The following EEIG1 variants were observed in gnomAD, a reference collection of about 807,000 sequenced individuals.
EEIG1 encodes estrogen-induced osteoclastogenesis regulator 1.
At chr9:127,945,464 T>G in the EEIG1 span, 1 of 1,564,024 alleles carries the variant, frequency 6.4e-7, no homozygotes, top group African/African-American at 1.4e-5. The surrounding 1 kb of genome is among the most constrained non-coding windows in gnomAD (Gnocchi z 6.5). Context: ...CCCTCCACGG[T>G]CATGCCAAGG....
the EEIG1 span, among the ~76,000 whole-genome samples, chr9:127,951,827 A>AAG: frequency 7.9e-5 from 12 of 151,054 alleles, no homozygotes; most frequent in Admixed American, 3.3e-4. Context: ...AAAAAAAAAA[A>AAG]AAAAGAAAAG....
chr9:127,945,047 A>G, the EEIG1 span: 1 of 989,648 alleles, frequency 1.0e-6, no homozygotes, highest in South Asian at 1.6e-5. This position sits in a 1 kb window ranked among gnomAD's most constrained non-coding sequence, Gnocchi z 6.5. Context: ...CCTCACATGC[A>G]CAATAGGGTG....
At chr9:127,943,612 G>A in the EEIG1 span, 1 of 251,724 alleles carries the variant, frequency 4.0e-6, no homozygotes, top group Non-Finnish European at 7.8e-6. Flanking sequence ...TCCTTTCCCT[G>A]CCGAGCCCAG....
the EEIG1 span, chr9:127,948,120 G>A: frequency 5.0e-6 from 8 of 1,613,562 alleles, no homozygotes; most frequent in Non-Finnish European, 5.1e-6. Flanking sequence ...ACCCAGTCAG[G>A]GAGTTGGTGC....
the EEIG1 span, chr9:127,953,686 C>T: frequency 6.2e-7 from 1 of 1,607,866 alleles, no homozygotes; most frequent in Non-Finnish European, 8.5e-7. Context: ...CCCCCCAGAT[C>T]TGAGGGGAGG....
chr9:127,976,857 G>A, the EEIG1 span, among the ~76,000 whole-genome samples: 1 of 152,224 alleles, frequency 6.6e-6, no homozygotes, highest in African/African-American at 2.4e-5. The surrounding 1 kb of genome is among the most constrained non-coding windows in gnomAD (Gnocchi z 4.1). Flanking sequence ...CCTGGGGGTG[G>A]GGGAAATATG....
the EEIG1 span, among the ~76,000 whole-genome samples, chr9:127,949,347 T>A: frequency 9.5e-4 from 140 of 147,130 alleles, no homozygotes; most frequent in African/African-American, 3.2e-3. Context: ...GGGTGACCAC[T>A]AGGTTGAGGC....
the EEIG1 span, chr9:127,953,841 C>T: frequency 6.2e-7 from 1 of 1,614,022 alleles, no homozygotes; most frequent in Non-Finnish European, 8.5e-7. Context: ...AGGGGTCCAG[C>T]AGGCCGGTGG....
chr9:127,944,758 C>G, the EEIG1 span: 1 of 1,611,646 alleles, frequency 6.2e-7, no homozygotes, highest in Non-Finnish European at 8.5e-7. Context: ...CTCGCCCCCA[C>G]CAGCCCAGCA....
At chr9:127,945,562 C>G in the EEIG1 span, 2 of 1,564,448 alleles carry the variant, frequency 1.3e-6, no homozygotes, top group Non-Finnish European at 1.7e-6. The surrounding 1 kb of genome is among the most constrained non-coding windows in gnomAD (Gnocchi z 6.5). Flanking sequence ...TGTGCTGTAG[C>G]CTGTCAGGGG....
the EEIG1 span, among the ~76,000 whole-genome samples, chr9:127,955,671 G>A: frequency 1.1e-4 from 16 of 152,372 alleles, no homozygotes; most frequent in Admixed American, 3.3e-4. Flanking sequence ...AGCCTGGGGA[G>A]TAGCCAGGTG....
At chr9:127,979,223 G>A in the EEIG1 span, among the ~76,000 whole-genome samples, 4 of 152,272 alleles carry the variant, frequency 2.6e-5, no homozygotes, top group African/African-American at 7.2e-5. Flanking sequence ...GGCCCAGAAA[G>A]TAACAGAGTC....
chr9:127,951,262 G>A, the EEIG1 span, among the ~76,000 whole-genome samples: 1 of 152,178 alleles, frequency 6.6e-6, no homozygotes, highest in Admixed American at 6.5e-5. Flanking sequence ...TCTGCAAAGG[G>A]TCTAGGAGGC....
the EEIG1 span, among the ~76,000 whole-genome samples, chr9:127,970,318 C>T: frequency 6.6e-6 from 1 of 152,124 alleles, no homozygotes; most frequent in Non-Finnish European, 1.5e-5. Context: ...GGGGTTTCAC[C>T]TTGTTGGTCA....
chr9:127,970,474 G>A, the EEIG1 span, among the ~76,000 whole-genome samples: 3 of 152,178 alleles, frequency 2.0e-5, no homozygotes, highest in Non-Finnish European at 4.4e-5. Flanking sequence ...TTGTCAGACT[G>A]CTTCCTGCTG....
the EEIG1 span, among the ~76,000 whole-genome samples, chr9:127,976,216 C>A: frequency 6.6e-6 from 1 of 152,202 alleles, no homozygotes; most frequent in Non-Finnish European, 1.5e-5. The surrounding 1 kb of genome is among the most constrained non-coding windows in gnomAD (Gnocchi z 4.1). Flanking sequence ...TAGAGCTGGA[C>A]CTGCCCAAAT....
chr9:127,953,745 C>T, the EEIG1 span: 17 of 1,613,466 alleles, frequency 1.1e-5, no homozygotes, highest in Non-Finnish European at 1.4e-5. Flanking sequence ...GGGGTGCGGA[C>T]TCATGAGGGG....
the EEIG1 span, among the ~76,000 whole-genome samples, chr9:127,975,814 GC>G: frequency 1.3e-5 from 2 of 152,068 alleles, no homozygotes; most frequent in Non-Finnish European, 2.9e-5. Context: ...GATTCTTCCT[GC>G]CCAAGGGCTG....
At chr9:127,962,762 C>T in the EEIG1 span, among the ~76,000 whole-genome samples, 5 of 152,192 alleles carry the variant, frequency 3.3e-5, no homozygotes, top group Admixed American at 2.0e-4. Context: ...GGCATGGTGA[C>T]TCATGCCTGT....
Sources: allele counts gnomAD v4.1 joint callset (sites outside exome capture counted in the v4.1 genomes callset), GRCh38; gene constraint gnomAD v4.1.1; non-coding constraint Gnocchi (gnomAD v3.1); transcripts MANE v1.5; gene names NCBI Gene and HGNC (gene_info 2026-07-23, HGNC 2026-07-21).